Variants in ROR1 observed in about 807,000 individuals in gnomAD.
ROR1 encodes inactive tyrosine-protein kinase transmembrane receptor ROR1.
Under a neutral mutation model 78.8 loss-of-function variants are expected in ROR1, and 19 were observed. The observed-to-expected ratio is 0.24, with a 90% confidence interval of 0.17 to 0.35. The LOEUF (loss-of-function observed/expected upper bound fraction) is 0.35. Among genes scored for constraint, ROR1 ranks in the 10% least tolerant of loss-of-function variants. The pLI, the probability that ROR1 is intolerant of heterozygous loss-of-function variation, is 1.00. For missense variants in ROR1, 917 were observed against 1,177.8 expected, an observed-to-expected ratio of 0.78 and a Z score of 3.24; for synonymous variants, 386 against 433.6, an observed-to-expected ratio of 0.89 and a Z score of 1.36.
intron 1 of ROR1, among the ~76,000 whole-genome samples, chr1:63,786,888 C>T (rs767350770): frequency 1.2e-4 from 19 of 152,100 alleles, no homozygotes; most frequent in Non-Finnish European, 2.8e-4. Flanking sequence ...ACTGGTGCTT[C>T]GGTTTGGTTA....
intron 1 of ROR1, among the ~76,000 whole-genome samples, chr1:63,822,198 G>A (rs748005582): frequency 1.3e-5 from 2 of 152,180 alleles, no homozygotes; most frequent in African/African-American, 2.4e-5. Context: ...TGAAGGCAGC[G>A]ATTTGCCTAT....
intron 1 of ROR1, among the ~76,000 whole-genome samples, chr1:63,844,470 G>A (rs1434863063): frequency 6.6e-6 from 1 of 152,174 alleles, no homozygotes; most frequent in Non-Finnish European, 1.5e-5. Flanking sequence ...ACTTTATGGG[G>A]ATGGGGGGTG....
chr1:64,061,966 G>A (rs1228889254), intron 4 of ROR1, among the ~76,000 whole-genome samples: 2 of 152,120 alleles, frequency 1.3e-5, no homozygotes, highest in Admixed American at 6.5e-5. Flanking sequence ...TCTATCCTGT[G>A]CATTCTAAAC....
intron 1 of ROR1, among the ~76,000 whole-genome samples, chr1:63,957,966 A>G (rs1194384786): frequency 6.6e-6 from 1 of 151,726 alleles, no homozygotes; most frequent in Non-Finnish European, 1.5e-5. Flanking sequence ...CTGGTCTCAA[A>G]CTTCTGATCT....
chr1:63,851,467 C>T (rs895180910), intron 1 of ROR1, among the ~76,000 whole-genome samples: 1 of 152,104 alleles, frequency 6.6e-6, no homozygotes, highest in Non-Finnish European at 1.5e-5. Flanking sequence ...GCAGGAGCCA[C>T]CACTAAGTGA....
intron 5 of ROR1, among the ~76,000 whole-genome samples, chr1:64,137,990 A>C (rs992799874): frequency 1.3e-5 from 2 of 152,232 alleles, no homozygotes; most frequent in Non-Finnish European, 2.9e-5. Flanking sequence ...ATGAGTGATG[A>C]AGCAAGATGA....
At chr1:63,790,037 G>A (rs1318320609) in intron 1 of ROR1, among the ~76,000 whole-genome samples, 1 of 152,066 alleles carries the variant, frequency 6.6e-6, no homozygotes, top group Non-Finnish European at 1.5e-5. Context: ...TTCTGTCTTG[G>A]CTCAGATGTC....
At chr1:63,823,830 C>T (rs1421141287) in intron 1 of ROR1, among the ~76,000 whole-genome samples, 2 of 151,972 alleles carry the variant, frequency 1.3e-5, no homozygotes, top group African/African-American at 4.8e-5. Flanking sequence ...TTACTGCAAC[C>T]TCTGCCTCCC....
chr1:64,143,893 G>A (rs1477663271), intron 7 of ROR1, among the ~76,000 whole-genome samples: 1 of 152,184 alleles, frequency 6.6e-6, no homozygotes, highest in Non-Finnish European at 1.5e-5. Context: ...GAGCAGAAGG[G>A]TGACATGACC....
intron 1 of ROR1, among the ~76,000 whole-genome samples, chr1:63,918,334 A>T (rs1334710251): frequency 6.6e-6 from 1 of 152,212 alleles, no homozygotes; most frequent in Non-Finnish European, 1.5e-5. Context: ...CAACAAAGCA[A>T]TGAAGTAGTT....
chr1:64,087,043 C>T (rs1416524193), intron 4 of ROR1, among the ~76,000 whole-genome samples: 1 of 152,042 alleles, frequency 6.6e-6, no homozygotes, highest in African/African-American at 2.4e-5. Flanking sequence ...GAATCTTTGC[C>T]CACCTGAAAC....
intron 1 of ROR1, among the ~76,000 whole-genome samples, chr1:63,876,218 C>T (rs1299623519): frequency 1.3e-5 from 2 of 152,092 alleles, no homozygotes; most frequent in Non-Finnish European, 2.9e-5. Flanking sequence ...GCTTACACCT[C>T]ATGAGACATG....
chr1:63,803,079 T>C (rs1454146503), intron 1 of ROR1, among the ~76,000 whole-genome samples: 1 of 152,224 alleles, frequency 6.6e-6, no homozygotes, highest in African/African-American at 2.4e-5. Context: ...AGACTAGCCA[T>C]ATTTCAGGTG....
chr1:63,932,128 C>T (rs575378107), intron 1 of ROR1, among the ~76,000 whole-genome samples: 101 of 152,292 alleles, frequency 6.6e-4, no homozygotes, highest in Middle Eastern at 3.4e-3. Context: ...CCATCGAATA[C>T]ATAAAGCCAG....
intron 2 of ROR1, among the ~76,000 whole-genome samples, chr1:64,026,336 A>G (rs950405862): frequency 1.3e-5 from 2 of 152,172 alleles, no homozygotes; most frequent in African/African-American, 2.4e-5. Flanking sequence ...AAAAATTACT[A>G]TTATTACACA....
intron 1 of ROR1, among the ~76,000 whole-genome samples, chr1:63,894,868 T>G (rs1645427279): frequency 6.6e-6 from 1 of 152,062 alleles, no homozygotes; most frequent in Admixed American, 6.6e-5. Context: ...TTGGCAAGAG[T>G]GATGCATCTT....
At chr1:64,160,908 T>G (rs1369522862) in intron 8 of ROR1, among the ~76,000 whole-genome samples, 1 of 152,248 alleles carries the variant, frequency 6.6e-6, no homozygotes, top group African/African-American at 2.4e-5. Flanking sequence ...CCTGGAAAGA[T>G]GTACTCCTCA....
At chr1:63,918,474 T>G (rs925884252) in intron 1 of ROR1, among the ~76,000 whole-genome samples, 1 of 152,174 alleles carries the variant, frequency 6.6e-6, no homozygotes, top group Non-Finnish European at 1.5e-5. Flanking sequence ...AGAATCTCAG[T>G]AGGTTCTTAA....
chr1:63,781,535 T>C (rs661956), intron 1 of ROR1, among the ~76,000 whole-genome samples: 13,639 of 152,238 alleles, frequency 0.09, 655 homozygotes, highest in Non-Finnish European at 0.11. Flanking sequence ...CAGGCAACTA[T>C]CTCTCCCACA....
Sources: gnomAD v4.1 joint callset for allele counts (sites outside exome capture counted in the v4.1 genomes callset) on GRCh38, gnomAD v4.1.1 for gene constraint, MANE v1.5 for transcripts, NCBI Gene and HGNC (gene_info 2026-07-23, HGNC 2026-07-21) for gene names.